NAALADL2: variants seen among roughly 807,000 people sequenced by gnomAD.
NAALADL2 encodes the protein inactive N-acetylated-alpha-linked acidic dipeptidase-like protein 2.
A neutral mutation model predicts 87.2 loss-of-function variants in NAALADL2; 76 were observed. That is an observed-to-expected ratio of 0.87 (90% CI 0.72 to 1.05). NAALADL2 has a LOEUF of 1.05. Among genes scored for constraint, NAALADL2 ranks in the 50% least tolerant of loss-of-function variants. The probability of loss-of-function intolerance (pLI) is 0.00; values close to 1 mark genes in which losing one functional copy is unlikely to be tolerated. For synonymous variants in NAALADL2, 354 were observed against 331.0 expected, an observed-to-expected ratio of 1.07 and a Z score of -0.75; for missense variants, 1,089 against 945.8, an observed-to-expected ratio of 1.15 and a Z score of -1.99.
chr3:175,497,914 A>G (rs187137282), intron 9 of NAALADL2, among the ~76,000 whole-genome samples: 4 of 152,144 alleles, frequency 2.6e-5, no homozygotes, highest in Non-Finnish European at 5.9e-5. Flanking sequence ...CTTGAAAAGC[A>G]CTTGATATAG....
chr3:175,596,701 C>A (rs1197640443), intron 10 of NAALADL2, among the ~76,000 whole-genome samples: 1 of 151,654 alleles, frequency 6.6e-6, no homozygotes. Context: ...TGTACATTAC[C>A]ATAAAATATC....
intron 1 of NAALADL2, among the ~76,000 whole-genome samples, chr3:174,881,064 C>T (rs527431192): frequency 6.6e-6 from 1 of 152,156 alleles, no homozygotes; most frequent in African/African-American, 2.4e-5. Flanking sequence ...GGATTCAGAA[C>T]CCACACTAAA....
chr3:175,015,249 G>T (rs1488250542), intron 1 of NAALADL2, among the ~76,000 whole-genome samples: 1 of 152,074 alleles, frequency 6.6e-6, no homozygotes, highest in African/African-American at 2.4e-5. Flanking sequence ...AGGAAACCAT[G>T]ACAACAACAT....
chr3:175,757,052 T>G (rs1747364002), intron 13 of NAALADL2, among the ~76,000 whole-genome samples: 1 of 151,674 alleles, frequency 6.6e-6, no homozygotes, highest in Admixed American at 6.6e-5. Flanking sequence ...ATGTATAATT[T>G]TATGTAGTGT....
chr3:174,543,283 G>C lies in NAALADL2; in HGVS notation c.-183-7286G>C, dbSNP rs574572718. Among the ~76,000 whole-genome samples, 7 of 152,232 alleles carry C rather than the reference G, an allele frequency of 4.6e-5. No individual in the cohort carries two copies. In the East Asian group the frequency reaches 1.4e-3, roughly 30 times the overall value. On this transcript the variant is annotated intron_variant, in intron 1 of 3. Coordinates refer to the NAALADL2 transcript ENST00000434257. The stretch of plus-strand genomic sequence containing the variant: ...ATGATTGGCTAGGGGAGAGTTGTGG[G>C]TGTTATGCAGTAGATGAAGTCGGCT...
At chr3:174,576,007 G>C (rs1459046688) in intron 2 of NAALADL2, among the ~76,000 whole-genome samples, 1 of 152,014 alleles carries the variant, frequency 6.6e-6, no homozygotes, top group African/African-American at 2.4e-5. Context: ...GGGATTACAG[G>C]CATGCACCAC....
At chr3:174,953,467 T>C (rs781535496) in intron 1 of NAALADL2, among the ~76,000 whole-genome samples, 4 of 151,472 alleles carry the variant, frequency 2.6e-5, no homozygotes, top group Admixed American at 6.6e-5. Context: ...GGAGTTCAAA[T>C]AAATCTCAGG....
chr3:174,873,545 A>G (rs1728123149), intron 1 of NAALADL2, among the ~76,000 whole-genome samples: 3 of 151,844 alleles, frequency 2.0e-5, no homozygotes, highest in Non-Finnish European at 4.4e-5. Context: ...GAGCCACCAC[A>G]CCTGGCTGTT....
intron 5 of NAALADL2, among the ~76,000 whole-genome samples, chr3:175,342,128 T>C (rs971711903): frequency 5.3e-5 from 8 of 152,164 alleles, no homozygotes; most frequent in African/African-American, 1.9e-4. Flanking sequence ...TGTTCTTGTT[T>C]TGATAATTCT....
chr3:174,991,269 C>T (rs1746705493), intron 1 of NAALADL2, among the ~76,000 whole-genome samples: 1 of 151,966 alleles, frequency 6.6e-6, no homozygotes, highest in Non-Finnish European at 1.5e-5. Context: ...GACAATTTTC[C>T]TTGCTTTCAT....
intron 4 of NAALADL2, among the ~76,000 whole-genome samples, chr3:175,299,290 TTTTTG>T (rs1369976143): frequency 6.6e-5 from 10 of 152,076 alleles, no homozygotes; most frequent in African/African-American, 2.4e-4. Flanking sequence ...AAAGTAGTTT[TTTTTG>T]TTTTTGTTTT....
chr3:174,708,316 A>G (rs541293268), intron 2 of NAALADL2, among the ~76,000 whole-genome samples: 7 of 152,318 alleles, frequency 4.6e-5, no homozygotes, highest in Admixed American at 1.3e-4. Context: ...ATCAAACAGA[A>G]TATTGTTTAA....
chr3:175,059,619 C>T, intron 1 of NAALADL2: 1 of 354,180 alleles, frequency 2.8e-6, no homozygotes, highest in Non-Finnish European at 5.3e-6. Context: ...TGGAAAATGG[C>T]AACAAGTGCA....
intron 5 of NAALADL2, among the ~76,000 whole-genome samples, chr3:175,331,643 A>T (rs1761410644): frequency 6.6e-6 from 1 of 152,218 alleles, no homozygotes; most frequent in African/African-American, 2.4e-5. Flanking sequence ...AAAAACCCAT[A>T]CTTAATACCA....
At chr3:175,451,086 A>G (rs1273167913) in intron 6 of NAALADL2, among the ~76,000 whole-genome samples, 1 of 152,158 alleles carries the variant, frequency 6.6e-6, no homozygotes, top group Non-Finnish European at 1.5e-5. Context: ...TTATATGATT[A>G]GAGCCCTAAA....
intron 4 of NAALADL2, among the ~76,000 whole-genome samples, chr3:175,305,806 G>A (rs1757649670): frequency 6.6e-6 from 1 of 152,156 alleles, no homozygotes; most frequent in Non-Finnish European, 1.5e-5. Flanking sequence ...ACAGGCGTGA[G>A]CCACCGCACC....
chr3:174,836,874 T>C (rs1047012215), intron 3 of NAALADL2, among the ~76,000 whole-genome samples: 4 of 152,044 alleles, frequency 2.6e-5, no homozygotes, highest in African/African-American at 7.2e-5. Flanking sequence ...GTTTAAAGTA[T>C]AAAACATCTA....
At chr3:175,322,360 C>T (rs1186787797) in intron 4 of NAALADL2, among the ~76,000 whole-genome samples, 26 of 119,526 alleles carry the variant, frequency 2.2e-4, no homozygotes, top group African/African-American at 7.3e-4. Flanking sequence ...AAGATTTAAA[C>T]GTTAGACCTA....
intron 1 of NAALADL2, among the ~76,000 whole-genome samples, chr3:175,006,271 T>A (rs80230522): frequency 0.025 from 3,792 of 152,278 alleles, 138 homozygotes; most frequent in East Asian, 0.18. Context: ...CAACCTCAGA[T>A]GCCTTATTTT....
Sources: gnomAD v4.1 joint callset for allele counts (sites outside exome capture counted in the v4.1 genomes callset) on GRCh38, gnomAD v4.1.1 for gene constraint, MANE v1.5 for transcripts, NCBI Gene and HGNC (gene_info 2026-07-23, HGNC 2026-07-21) for gene names.